Variants in GAB1 observed in about 807,000 individuals in gnomAD.
GAB1 encodes GRB2 associated binding protein 1.
In GAB1, 19 loss-of-function variants were observed where a neutral mutation model predicts 66.5. The ratio of observed to expected loss-of-function variants is 0.29; its 90% CI spans 0.20 to 0.42. The LOEUF (loss-of-function observed/expected upper bound fraction) is 0.42. GAB1 is among the 10% of genes least tolerant of loss of function. The probability of loss-of-function intolerance (pLI) is 1.00; values close to 1 mark genes in which losing one functional copy is unlikely to be tolerated. For missense variants in GAB1, 732 were observed against 858.5 expected (o/e 0.85, Z 1.84); for synonymous variants, 294 against 301.4 (o/e 0.98, Z 0.25).
At chr4:143,396,099 G>A (rs1297200652) in intron 1 of GAB1, 4 of 412,252 alleles carry the variant, frequency 9.7e-6, no homozygotes, top group East Asian at 1.4e-4. Context: ...GGTAGTTGGT[G>A]AGGTGAAGAA....
rs749424572 is a variant in GAB1, at chr4:143,437,965, CTTGT to C, written c.594-31_594-28del. 28 of 1,574,430 alleles carry C rather than the reference CTTGT, an allele frequency of 1.8e-5. 1 individual carries two copies. The East Asian group carries it at 6.3e-4, about 35-fold the overall frequency. On this transcript the variant is annotated intron_variant, in intron 3 of 9. Coordinates refer to ENST00000262994, the MANE Select transcript of GAB1 (RefSeq NM_002039.4). Reference sequence around the variant, plus strand: ...TAAAAAATGTATTCTTAGTCTCCACCTTGTTTATTCTGTCATTAACAATTTTTAT... The same window carrying C: ...TAAAAAATGTATTCTTAGTCTCCACCTTATTCTGTCATTAACAATTTTTAT...
intron 1 of GAB1, among the ~76,000 whole-genome samples, chr4:143,372,567 C>T (rs1730176185): frequency 6.6e-6 from 1 of 152,164 alleles, no homozygotes; most frequent in Non-Finnish European, 1.5e-5. Context: ...TAAATTGGGT[C>T]TGAAGTCATT....
chr4:143,438,387 T>G lies in GAB1; in HGVS notation c.982T>G (p.Leu328Val). 1 of 1,614,038 alleles carries G rather than the reference T, an allele frequency of 6.2e-7. No homozygotes were observed. Among genetic ancestry groups the G allele is most frequent in the Non-Finnish European group, 8.5e-7 (1 of 1,179,994 alleles). Residue 328 changes from leucine (L) to valine (V), a missense_variant, in exon 4 of 10, where the codon TTG (leucine) becomes GTG (valine). Coordinates refer to ENST00000262994, the MANE Select transcript of GAB1 (RefSeq NM_002039.4). ...TCCACGAACATTTCCAGAAGGAACC[T>G]TGGGACAGACATCAAAGCTAGACAC... ...QIPRTFPEGT[L>V]GQTSKLDTIP...
At chr4:143,386,888 G>A (rs1292330204) in intron 1 of GAB1, among the ~76,000 whole-genome samples, 1 of 152,126 alleles carries the variant, frequency 6.6e-6, no homozygotes, top group Admixed American at 6.6e-5. Flanking sequence ...AGATCATATG[G>A]CCTGCAAAAC....
At chr4:143,369,129 C>T (rs142817227) in intron 1 of GAB1, among the ~76,000 whole-genome samples, 3,339 of 152,066 alleles carry the variant, frequency 0.022, 119 homozygotes, top group African/African-American at 0.076. Context: ...TTAGTAGAGA[C>T]GGGGTTTTGC....
Position 143,460,347 on chromosome 4 carries a change from A to T in GAB1, c.1680-17A>T, listed in dbSNP as rs1180512709. 1 of 1,612,926 alleles carries T rather than the reference A, an allele frequency of 6.2e-7. No homozygotes were observed. ...TTTGTCAAGGCTTATGTTTGTGATG[A>T]TAATTTCTGTAATTAGCTCTTCCAG... On this transcript the variant is annotated splice_polypyrimidine_tract_variant and intron_variant, in intron 7 of 9. Transcript: ENST00000262994.
chr4:143,428,018 TG>T (rs1733455899), intron 2 of GAB1, among the ~76,000 whole-genome samples: 1 of 152,212 alleles, frequency 6.6e-6, no homozygotes, highest in African/African-American at 2.4e-5. Context: ...GGGGGGCCTA[TG>T]GGGGTGGGAA....
chr4:143,357,502 T>C (rs1729498310), intron 1 of GAB1, among the ~76,000 whole-genome samples: 1 of 152,058 alleles, frequency 6.6e-6, no homozygotes, highest in Non-Finnish European at 1.5e-5. Context: ...GGGGGACAGG[T>C]GAGGGGAGTA....
intron 1 of GAB1, chr4:143,349,360 T>C (rs1317289535): frequency 9.6e-7 from 1 of 1,043,438 alleles, no homozygotes; most frequent in Non-Finnish European, 1.5e-6. Flanking sequence ...GAAGTCCTGA[T>C]AGGGAGACTT....
chr4:143,337,843 T>A (rs988357524), intron 1 of GAB1, among the ~76,000 whole-genome samples: 3 of 152,210 alleles, frequency 2.0e-5, no homozygotes, highest in Non-Finnish European at 4.4e-5. Flanking sequence ...CCCTGCCGTT[T>A]GCTTAGCAGG....
chr4:143,344,220 G>C (rs1728917104), intron 1 of GAB1, among the ~76,000 whole-genome samples: 2 of 152,120 alleles, frequency 1.3e-5, no homozygotes, highest in African/African-American at 4.8e-5. Context: ...TCTTATTTCG[G>C]ACTTTGGAAG....
At position 143,337,268 on chromosome 4, in the gene GAB1, G is replaced by A. The variant is rs1044892973; in HGVS notation, c.72+8G>A. On this transcript the variant is annotated splice_region_variant and intron_variant, in intron 1 of 9. Transcript: ENST00000262994. ...AAAAAGTTGAAGCGTTATGTAAGTA[G>A]AGCTGCGGGCACCACTCCGCGGGCC... The A allele has an allele frequency of 1.9e-6, 3 of 1,570,792 alleles. No individual in the cohort carries two copies. The African/African-American group carries it at 4.0e-5, about 21-fold the overall frequency.
At chr4:143,377,208 A>G (rs1730459142) in intron 1 of GAB1, among the ~76,000 whole-genome samples, 1 of 152,168 alleles carries the variant, frequency 6.6e-6, no homozygotes, top group Non-Finnish European at 1.5e-5. Flanking sequence ...CATTTTTAAT[A>G]AGCCAAGTAC....
intron 1 of GAB1, among the ~76,000 whole-genome samples, chr4:143,398,906 AAAGT>A: frequency 4.9e-4 from 74 of 152,244 alleles, no homozygotes; most frequent in African/African-American, 1.6e-3. Context: ...CAAGAAAAAA[AAAGT>A]AAGTAAGTAA....
intron 1 of GAB1, among the ~76,000 whole-genome samples, chr4:143,402,224 G>A (rs1399890234): frequency 6.6e-6 from 1 of 152,246 alleles, no homozygotes; most frequent in East Asian, 1.9e-4. Flanking sequence ...ATGTTCCTTT[G>A]AATCCTTAAT....
intron 1 of GAB1, among the ~76,000 whole-genome samples, chr4:143,356,163 G>T (rs942778781): frequency 1.3e-5 from 2 of 152,148 alleles, no homozygotes; most frequent in Admixed American, 6.6e-5. Context: ...TTGAGAATTT[G>T]TGCAAATCAA....
At chr4:143,426,440 A>G (rs1395014772) in intron 2 of GAB1, among the ~76,000 whole-genome samples, 1 of 152,128 alleles carries the variant, frequency 6.6e-6, no homozygotes, top group Non-Finnish European at 1.5e-5. Flanking sequence ...AGCCCCAGCT[A>G]CGTAGGAGGG....
intron 1 of GAB1, among the ~76,000 whole-genome samples, chr4:143,392,910 T>A (rs1346248795): frequency 6.6e-6 from 1 of 152,186 alleles, no homozygotes; most frequent in South Asian, 2.1e-4. Flanking sequence ...TGTTAAAGCT[T>A]ACTGAGATTT....
At chr4:143,421,529 GTTTAC>G (rs1027885852) in intron 2 of GAB1, among the ~76,000 whole-genome samples, 25 of 152,106 alleles carry the variant, frequency 1.6e-4, no homozygotes, top group African/African-American at 5.8e-4. Context: ...GCGTGTGAGA[GTTTAC>G]TTTACATTCT....
Sources: gnomAD v4.1 joint callset for allele counts (sites outside exome capture counted in the v4.1 genomes callset) on GRCh38, gnomAD v4.1.1 for gene constraint, MANE v1.5 for transcripts, NCBI Gene and HGNC (gene_info 2026-07-23, HGNC 2026-07-21) for gene names.